The following BAMBI variants were observed in gnomAD, a reference collection of about 807,000 sequenced individuals.
BAMBI encodes the protein BMP and activin membrane bound inhibitor.
A neutral mutation model predicts 24.1 loss-of-function variants in BAMBI; 21 were observed. The ratio of observed to expected loss-of-function variants is 0.87; its 90% confidence interval spans 0.62 to 1.26. The LOEUF (loss-of-function observed/expected upper bound fraction) is 1.26, where lower values mean the gene tolerates loss of function less well. Ranked by LOEUF, BAMBI falls within the 50% of genes most tolerant of loss-of-function variation. BAMBI has a pLI of 0.00. For missense variants in BAMBI, 388 were observed against 329.1 expected (o/e 1.18, Z -1.38); for synonymous variants, 156 against 123.1 (o/e 1.27, Z -1.77).
chr10:28,682,195 C>G lies in BAMBI; in HGVS notation c.577C>G (p.Arg193Gly). The G allele has an allele frequency of 1.2e-6, 2 of 1,614,100 alleles. No homozygotes were observed. The highest frequency in any genetic ancestry group is 1.7e-6 in the Non-Finnish European group (2 of 1,179,986). ...GGATCAGCGGCAACAGATGCTCTCCCGTTTGCACTACAGCTTTCACGGACA... is the reference window on the plus strand; with the variant it reads ...GGATCAGCGGCAACAGATGCTCTCCGGTTTGCACTACAGCTTTCACGGACA... ...LQDQRQQMLSRLHYSFHGHHS... is the reference protein window; with the variant it reads ...LQDQRQQMLSGLHYSFHGHHS... Residue 193 changes from arginine (R) to glycine (G), a missense_variant, in exon 3 of 3, where the codon CGT (arginine) becomes GGT (glycine). By Grantham distance (125) the Arg-to-Gly change is moderately radical (BLOSUM62 -2). Transcript: ENST00000375533.
chr10:28,678,975 T>A (rs1234894662), intron 1 of BAMBI, among the ~76,000 whole-genome samples: 1 of 148,326 alleles, frequency 6.7e-6, no homozygotes, highest in African/African-American at 2.5e-5. Flanking sequence ...ATAATTTTTT[T>A]AAGTAGGAAG....
At chr10:28,679,383 A>AC (rs1834473009) in intron 1 of BAMBI, among the ~76,000 whole-genome samples, 1 of 152,188 alleles carries the variant, frequency 6.6e-6, no homozygotes, top group Admixed American at 6.5e-5. Context: ...GGGGACAGAA[A>AC]CAGAAGGGCA....
rs1220113145 is a variant in BAMBI, at chr10:28,681,975, T to C, written c.365-8T>C. ...TGGAGTTTGATCATTTTCTTTGTACTCCTTTAGGACAAGGAAACAGGTATC... is the reference window on the plus strand; with the variant it reads ...TGGAGTTTGATCATTTTCTTTGTACCCCTTTAGGACAAGGAAACAGGTATC... On this transcript the variant is annotated splice_region_variant and splice_polypyrimidine_tract_variant and intron_variant, in intron 2 of 2. Transcript: ENST00000375533. 1.9e-6 allele frequency: 3 copies of C among 1,594,900 alleles called. No individual in the cohort carries two copies. The highest frequency in any genetic ancestry group is 2.7e-5 in the African/African-American group (2 of 74,222).
At chr10:28,681,934 C>T (rs374388485) in intron 2 of BAMBI, 49 bp from the exon 3 acceptor site, 9 of 1,498,478 alleles carry the variant, frequency 6.0e-6, no homozygotes, top group African/African-American at 1.4e-5. Flanking sequence ...ATGAATATCC[C>T]TAGGAGGAGT....
intron 1 of BAMBI, among the ~76,000 whole-genome samples, chr10:28,679,196 G>C (rs1028468633): frequency 2.0e-5 from 3 of 152,206 alleles, no homozygotes; most frequent in African/African-American, 7.2e-5. Flanking sequence ...GAGGGACTGA[G>C]GCTGACATGA....
chr10:28,681,548 A>C lies in BAMBI; in HGVS notation c.364+3A>C. 6.2e-7 allele frequency: 1 copy of C among 1,612,432 alleles called. No homozygotes were observed. Among genetic ancestry groups the C allele is most frequent in the East Asian group, 2.2e-5 (1 of 44,844 alleles). On this transcript the variant is annotated splice_donor_region_variant and intron_variant, in intron 2 of 2. Coordinates refer to ENST00000375533, the MANE Select transcript of BAMBI (RefSeq NM_012342.3). ...TCCTCCCAGGGGTGAGGCCTCAGGT[A>C]GGTGGAAGCCGTTTCTAACCAGAAT...
In BAMBI at chr10:28,679,651, C is replaced by T. The variant is rs140824426; in HGVS notation, c.77-1607C>T. 6.9e-3 allele frequency among the ~76,000 whole-genome samples: 1,057 copies of T among 152,234 alleles called. 3 individuals are homozygous for T. The highest frequency in any genetic ancestry group is 0.01 in the Non-Finnish European group (687 of 68,024). ...AAGCAGCATTTTACTTGTATTCAGT[C>T]TTCCTTTTCTGTACAAGGTCTGAAG... On this transcript the variant is annotated intron_variant, in intron 1 of 2. Coordinates refer to ENST00000375533, the MANE Select transcript of BAMBI (RefSeq NM_012342.3).
At position 28,681,332 on chromosome 10, in the gene BAMBI, T is replaced by C. The variant is rs149111281; in HGVS notation, c.151T>C (p.Cys51Arg). ...GYMCKSELSA[C>R]FSRLLDPQNS... ...TATGTGTAAATCTGAGCTCAGCGCC[T>C]GCTTCTCTAGACTTCTTGATCCTCA... The change falls in exon 2 of 3, where the codon TGC becomes CGC. Residue 51 changes from cysteine (C) to arginine (R), a missense_variant. Cys to Arg is a radical substitution (Grantham distance 180). Transcript: ENST00000375533. The C allele has an allele frequency of 2.2e-5, 35 of 1,614,194 alleles. No individual in the cohort carries two copies. The highest frequency in any genetic ancestry group is 2.8e-5 in the Non-Finnish European group (33 of 1,180,042).
Position 28,682,500 on chromosome 10 carries a change from C to T in BAMBI, c.*99C>T. Reference sequence around the variant, plus strand: ...TCTGAAGACAAACTCATTTAATCATCTTTGAGAGACAAAATGACCTCTGCA... The same window carrying T: ...TCTGAAGACAAACTCATTTAATCATTTTTGAGAGACAAAATGACCTCTGCA... On this transcript the variant is annotated 3_prime_UTR_variant, in exon 3 of 3. Transcript: ENST00000375533. 1.8e-6 allele frequency: 2 copies of T among 1,131,884 alleles called. No homozygotes were observed. The highest frequency in any genetic ancestry group is 4.8e-5 in the East Asian group (2 of 41,474). The allele number at this position is 1,131,884 out of a possible 1,614,324, so 70.1% of individuals were successfully genotyped here.
At position 28,677,799 on chromosome 10, in the gene BAMBI, C is replaced by A. The variant is rs1588642452; in HGVS notation, c.-99C>A. The A allele has an allele frequency of 2.1e-5, 18 of 842,884 alleles. No individual in the cohort carries two copies. The highest frequency in any genetic ancestry group is 2.8e-5 in the Non-Finnish European group (18 of 646,242). The allele number at this position is 842,884 out of a possible 1,614,324, so 52.2% of individuals were successfully genotyped here. ...CCGCCGCTGACGGCGCCCGCCGCTC[C>A]GGGCAGGGCCCATGCCCTGCGCGCT... On this transcript the variant is annotated 5_prime_UTR_variant, in exon 1 of 3. Transcript: ENST00000375533.
At position 28,682,576 on chromosome 10, in the gene BAMBI, A is replaced by AC; in HGVS notation, c.*176dup. 1.7e-6 allele frequency: 1 copy of AC among 591,254 alleles called. No individual in the cohort carries two copies. The highest frequency in any genetic ancestry group is 3.5e-5 in the Admixed American group (1 of 28,884). The allele number at this position is 591,254 out of a possible 1,614,324, so 36.6% of individuals were successfully genotyped here. A position where few individuals can be genotyped will look rare whatever the true frequency, so the allele number is the denominator to read the frequency against. ...AAGGATTATTTGCACAGACTTAAATACAGTTAAATGTGTTATTTGCTTTTA... is the reference window on the plus strand; with the variant it reads ...AAGGATTATTTGCACAGACTTAAATACCAGTTAAATGTGTTATTTGCTTTTA... On this transcript the variant is annotated 3_prime_UTR_variant, in exon 3 of 3. Coordinates refer to ENST00000375533, the MANE Select transcript of BAMBI (RefSeq NM_012342.3).
chr10:28,680,300 C>G lies in BAMBI; in HGVS notation c.77-958C>G, dbSNP rs1834483531. Among the ~76,000 whole-genome samples, 5 of 152,250 alleles carry G rather than the reference C, an allele frequency of 3.3e-5. No individual in the cohort carries two copies. The South Asian group carries it at 1.0e-3, about 32-fold the overall frequency. On this transcript the variant is annotated intron_variant, in intron 1 of 2. Coordinates refer to ENST00000375533, the MANE Select transcript of BAMBI (RefSeq NM_012342.3). The stretch of plus-strand genomic sequence containing the variant: ...AGACCCAGATTATTTCAACGAGAAA[C>G]TGATATTAAAGCCTCCAATCTTGCC...
At position 28,677,902 on chromosome 10, in the gene BAMBI, A is replaced by G. The variant is rs892891793; in HGVS notation, c.5A>G (p.Asp2Gly). The change falls in exon 1 of 3, where the codon GAT becomes GGT. Residue 2 changes from aspartate (D) to glycine (G), a missense_variant. By Grantham distance (94) the Asp-to-Gly change is moderately conservative. Coordinates refer to ENST00000375533, the MANE Select transcript of BAMBI (RefSeq NM_012342.3). ...CCGCGGCCGTGCGGGGCGTCAATGG[A>G]TCGCCACTCCAGCTACATCTTCATC... is the stretch of plus-strand genomic sequence containing the variant. M[D>G]RHSSYIFIWL... 7.9e-6 allele frequency: 12 copies of G among 1,515,452 alleles called. No individual in the cohort carries two copies. Among genetic ancestry groups the G allele is most frequent in the Non-Finnish European group, 9.7e-6 (11 of 1,138,144 alleles). The allele number at this position is 1,515,452 out of a possible 1,614,324, so 93.9% of individuals were successfully genotyped here.
rs1429867148 is a variant in BAMBI, at chr10:28,682,397, TATGACG to T, written c.780_*2del. The T allele has an allele frequency of 6.2e-7, 1 of 1,608,920 alleles. No homozygotes were observed. Among genetic ancestry groups the T allele is most frequent in the African/African-American group, 1.3e-5 (1 of 74,848 alleles). ...AGTGGGCACGGGAAGCTGGAATTCGTATGACGGAGTCTTATCTGAACTACACTTACT... is the reference window on the plus strand; with the variant it reads ...AGTGGGCACGGGAAGCTGGAATTCGTGAGTCTTATCTGAACTACACTTACT... On this transcript the variant is annotated stop_lost and 3_prime_UTR_variant, in exon 3 of 3. Transcript: ENST00000375533.
At chr10:28,679,376 G>GGC (rs1172531735) in intron 1 of BAMBI, among the ~76,000 whole-genome samples, 1 of 152,142 alleles carries the variant, frequency 6.6e-6, no homozygotes, top group African/African-American at 2.4e-5. Context: ...ACGAGAAGGG[G>GGC]ACAGAAACAG....
intron 1 of BAMBI, among the ~76,000 whole-genome samples, chr10:28,678,858 C>T (rs931662100): frequency 5.3e-5 from 8 of 150,248 alleles, no homozygotes; most frequent in Admixed American, 2.7e-4. Context: ...TTTCTTCTTT[C>T]CTCTGCAGGC....
Position 28,681,285 on chromosome 10 carries a change from C to T in BAMBI, c.104C>T (p.Ala35Val). ...GAAATTCGATGCTACTGTGATGCTGCCCACTGTGTAGCCACTGGTTATATG... is the reference window on the plus strand; with the variant it reads ...GAAATTCGATGCTACTGTGATGCTGTCCACTGTGTAGCCACTGGTTATATG... Reference protein sequence around the residue: ...KGEIRCYCDAAHCVATGYMCK... With the variant: ...KGEIRCYCDAVHCVATGYMCK... Residue 35 changes from alanine (A) to valine (V), a missense_variant, in exon 2 of 3, where the codon GCC becomes GTC. By Grantham distance (64) the Ala-to-Val change is moderately conservative. Coordinates refer to ENST00000375533, the MANE Select transcript of BAMBI (RefSeq NM_012342.3). The T allele has an allele frequency of 6.2e-7, 1 of 1,613,370 alleles. No homozygotes were observed. Among genetic ancestry groups the T allele is most frequent in the Non-Finnish European group, 8.5e-7 (1 of 1,179,996 alleles).
Position 28,682,676 on chromosome 10 carries a change from G to T in BAMBI, c.*275G>T. On this transcript the variant is annotated 3_prime_UTR_variant, in exon 3 of 3. Transcript: ENST00000375533. Reference sequence around the variant, plus strand: ...ATTTGCATCCAAGGGAGCTGGAATTGAGTACCTAAATAAACAAAAATGTGC... The same window carrying T: ...ATTTGCATCCAAGGGAGCTGGAATTTAGTACCTAAATAAACAAAAATGTGC... 1 of 321,296 alleles carries T rather than the reference G, an allele frequency of 3.1e-6. No individual in the cohort carries two copies. The highest frequency in any genetic ancestry group is 5.7e-6 in the Non-Finnish European group (1 of 175,362). 19.9% of individuals were successfully genotyped at this position (321,296 alleles called of 1,614,324 possible). A position where few individuals can be genotyped will look rare whatever the true frequency, so the allele number is the denominator to read the frequency against.
chr10:28,681,972 T>C lies in BAMBI; in HGVS notation c.365-11T>C. 2.5e-6 allele frequency: 4 copies of C among 1,594,756 alleles called. No individual in the cohort carries two copies. The East Asian group carries it at 9.0e-5, about 36-fold the overall frequency. ...GCATGGAGTTTGATCATTTTCTTTG[T>C]ACTCCTTTAGGACAAGGAAACAGGT... On this transcript the variant is annotated splice_polypyrimidine_tract_variant and intron_variant, in intron 2 of 2. Coordinates refer to ENST00000375533, the MANE Select transcript of BAMBI (RefSeq NM_012342.3).
Sources: gnomAD v4.1 joint callset for allele counts (sites outside exome capture counted in the v4.1 genomes callset) on GRCh38, gnomAD v4.1.1 for gene constraint, MANE v1.5 for transcripts, NCBI Gene and HGNC (gene_info 2026-07-23, HGNC 2026-07-21) for gene names.